LHFPL3: variants seen among roughly 807,000 people sequenced by gnomAD.
LHFPL3 encodes LHFPL tetraspan subfamily member 3, also known as LHFPL tetraspan subfamily member 3 protein.
Under a neutral mutation model 19.3 loss-of-function variants are expected in LHFPL3, and 5 were observed. The ratio of observed to expected loss-of-function variants is 0.26; its 90% CI spans 0.14 to 0.54. LHFPL3 has a LOEUF of 0.54. Among genes scored for constraint, LHFPL3 ranks in the 20% least tolerant of loss-of-function variants. The pLI, the probability that LHFPL3 is intolerant of heterozygous loss-of-function variation, is 0.94. For missense variants in LHFPL3, 249 were observed against 307.4 expected (o/e 0.81, Z 1.42); for synonymous variants, 133 against 126.2 (o/e 1.05, Z -0.36).
At chr7:104,702,108 T>C (rs547937058) in intron 1 of LHFPL3, among the ~76,000 whole-genome samples, 5 of 152,154 alleles carry the variant, frequency 3.3e-5, no homozygotes, top group African/African-American at 1.2e-4. Context: ...CTCCCACTTA[T>C]GGTGAGAACA....
At chr7:104,474,864 G>A (rs1157447423) in intron 1 of LHFPL3, among the ~76,000 whole-genome samples, 1 of 152,042 alleles carries the variant, frequency 6.6e-6, no homozygotes, top group East Asian at 1.9e-4. Context: ...AGGGTATAGA[G>A]GAAGCACACG....
At chr7:104,762,338 C>G (rs1287852168) in intron 2 of LHFPL3, among the ~76,000 whole-genome samples, 1 of 152,112 alleles carries the variant, frequency 6.6e-6, no homozygotes, top group Non-Finnish European at 1.5e-5. Context: ...CAAGCAATAG[C>G]AATCTAGAAT....
At chr7:104,752,705 A>C (rs1584515318) in intron 2 of LHFPL3, 1 of 392,422 alleles carries the variant, frequency 2.5e-6, no homozygotes, top group East Asian at 3.6e-5. Context: ...TTCCGAGCGC[A>C]CAAGCTTACC....
chr7:104,841,667 T>C (rs895238478), intron 2 of LHFPL3, among the ~76,000 whole-genome samples: 3 of 152,156 alleles, frequency 2.0e-5, no homozygotes, highest in African/African-American at 7.2e-5. Flanking sequence ...TGGCTATCTC[T>C]CTACCTCTCT....
At chr7:104,758,788 T>C (rs1264328852) in intron 2 of LHFPL3, among the ~76,000 whole-genome samples, 2 of 151,986 alleles carry the variant, frequency 1.3e-5, no homozygotes, top group East Asian at 3.9e-4. Context: ...AAGGAGGGGC[T>C]TCTTTCTGTC....
intron 1 of LHFPL3, among the ~76,000 whole-genome samples, chr7:104,578,022 A>G (rs1040698582): frequency 1.3e-5 from 2 of 152,332 alleles, no homozygotes; most frequent in East Asian, 1.9e-4. Context: ...TGCGGCATGT[A>G]TAGGATGTCA....
chr7:104,350,559 G>A (rs1790152672), intron 1 of LHFPL3, among the ~76,000 whole-genome samples: 1 of 152,216 alleles, frequency 6.6e-6, no homozygotes, highest in African/African-American at 2.4e-5. Context: ...TGTTTATTGA[G>A]CCCTTGCAGA....
chr7:104,527,612 A>G lies in LHFPL3; in HGVS notation c.445+198388A>G, dbSNP rs190900738. ...AGGTCAGTTCTTATGTTTAAGTGGA[A>G]AGAAGAATATCGGTAATGATCTGTG... On this transcript the variant is annotated intron_variant, in intron 1 of 2. Transcript: ENST00000424859. Among the ~76,000 whole-genome samples, 8 of 152,236 alleles carry G rather than the reference A, an allele frequency of 5.3e-5. No individual in the cohort carries two copies. The East Asian group carries it at 1.5e-3, about 29-fold the overall frequency.
chr7:104,402,097 A>C (rs1439238223), intron 1 of LHFPL3, among the ~76,000 whole-genome samples: 1 of 151,932 alleles, frequency 6.6e-6, no homozygotes, highest in Admixed American at 6.5e-5. Context: ...CTAAAAAAAA[A>C]AAAACAAAAA....
At chr7:104,476,756 G>A (rs1024341186) in intron 1 of LHFPL3, among the ~76,000 whole-genome samples, 4 of 151,756 alleles carry the variant, frequency 2.6e-5, no homozygotes, top group African/African-American at 7.3e-5. Flanking sequence ...CACCACGCCC[G>A]GCCAGCTTCC....
At chr7:104,392,132 C>T (rs141004622) in intron 1 of LHFPL3, among the ~76,000 whole-genome samples, 6,346 of 152,228 alleles carry the variant, frequency 0.042, 185 homozygotes, top group Non-Finnish European at 0.059. Context: ...CATCTGCAAA[C>T]AGGGACAATT....
chr7:104,501,254 C>A (rs1336143424), intron 1 of LHFPL3, among the ~76,000 whole-genome samples: 1 of 152,114 alleles, frequency 6.6e-6, no homozygotes, highest in Non-Finnish European at 1.5e-5. Flanking sequence ...ATGTAATAAA[C>A]CAATATCATA....
chr7:104,595,746 A>G (rs12334259), intron 1 of LHFPL3, among the ~76,000 whole-genome samples: 28,474 of 152,166 alleles, frequency 0.19, 2,884 homozygotes, highest in East Asian at 0.38. Flanking sequence ...CGCTTTGTTT[A>G]CCTACTCAAG....
chr7:104,824,372 T>A (rs1409559249), intron 2 of LHFPL3, among the ~76,000 whole-genome samples: 1 of 22,986 alleles, frequency 4.4e-5, no homozygotes, highest in African/African-American at 1.9e-4. Context: ...TATATATATT[T>A]TATATATAAT....
intron 1 of LHFPL3, among the ~76,000 whole-genome samples, chr7:104,371,533 T>C (rs1252374570): frequency 2.0e-5 from 3 of 152,252 alleles, no homozygotes; most frequent in Non-Finnish European, 4.4e-5. Context: ...TTTCAGAATA[T>C]AGCTCACTGT....
intron 1 of LHFPL3, among the ~76,000 whole-genome samples, chr7:104,634,806 G>T (rs1584452894): frequency 6.6e-6 from 1 of 152,134 alleles, no homozygotes; most frequent in Admixed American, 6.5e-5. Flanking sequence ...TACCAGCCTT[G>T]CCTGTACCCA....
intron 1 of LHFPL3, among the ~76,000 whole-genome samples, chr7:104,360,939 C>T (rs368768430): frequency 1.9e-4 from 29 of 152,064 alleles, no homozygotes; most frequent in Admixed American, 5.2e-4. Context: ...ATTCTACATG[C>T]AAAAGCGGAG....
At chr7:104,352,385 A>G (rs1790195440) in intron 1 of LHFPL3, among the ~76,000 whole-genome samples, 1 of 152,166 alleles carries the variant, frequency 6.6e-6, no homozygotes, top group African/African-American at 2.4e-5. Context: ...GTATGTAATA[A>G]GAACTTCATA....
chr7:104,621,102 T>C (rs1256694278), intron 1 of LHFPL3, among the ~76,000 whole-genome samples: 1 of 152,218 alleles, frequency 6.6e-6, no homozygotes, highest in Non-Finnish European at 1.5e-5. Context: ...TTCTTTACCT[T>C]TCAAGTCTCT....
Sources: gnomAD v4.1 joint callset for allele counts (sites outside exome capture counted in the v4.1 genomes callset) on GRCh38, gnomAD v4.1.1 for gene constraint, MANE v1.5 for transcripts, NCBI Gene and HGNC (gene_info 2026-07-23, HGNC 2026-07-21) for gene names.